DMD: variants seen among roughly 807,000 people sequenced by gnomAD.
DMD encodes dystrophin.
DMD carries 63 observed loss-of-function variants against 330.1 expected under a neutral mutation model. The ratio of observed to expected loss-of-function variants is 0.19; its 90% CI spans 0.16 to 0.24. DMD has a LOEUF of 0.24. Among genes scored for constraint, DMD ranks in the 10% least tolerant of loss-of-function variants. The pLI is 1.00. For missense variants in DMD, 3,344 were observed against 2,684.1 expected (o/e 1.25, Z -5.43); for synonymous variants, 1,223 against 959.8 (o/e 1.27, Z -5.07).
intron 41 of DMD, among the ~76,000 whole-genome samples, chrX:32,322,523 G>A (rs1001382913): frequency 3.6e-5 from 4 of 110,575 alleles, no homozygotes; most frequent in African/African-American, 9.9e-5. Flanking sequence ...TGATTGCATC[G>A]CGGCACTCCA....
At chrX:32,296,129 C>T (rs974031514) in intron 42 of DMD, among the ~76,000 whole-genome samples, 3 of 112,172 alleles carry the variant, frequency 2.7e-5, no homozygotes, top group Non-Finnish European at 5.6e-5. Context: ...CGGTGGCTCA[C>T]GCCTGTAATC....
intron 77 of DMD, among the ~76,000 whole-genome samples, chrX:31,128,230 A>G (rs2033996673): frequency 8.9e-6 from 1 of 111,873 alleles, no homozygotes; most frequent in Non-Finnish European, 1.9e-5. Flanking sequence ...CTTCCCCTGT[A>G]AGACTATAAG....
At chrX:32,849,073 T>C (rs2080921179) in intron 3 of DMD, among the ~76,000 whole-genome samples, 1 of 111,531 alleles carries the variant, frequency 9.0e-6, no homozygotes, top group Non-Finnish European at 1.9e-5. Flanking sequence ...CAGAATTTGA[T>C]AGGTAGAACA....
intron 44 of DMD, among the ~76,000 whole-genome samples, chrX:32,104,858 G>C (rs376917540): frequency 1.4e-4 from 16 of 111,008 alleles, no homozygotes; most frequent in African/African-American, 5.2e-4. Context: ...TTCTGCTATG[G>C]AAAAGAGCTC....
At chrX:32,078,860 CTGGGAAATTGTTA>C (rs1035511778) in intron 44 of DMD, among the ~76,000 whole-genome samples, 1 of 112,091 alleles carries the variant, frequency 8.9e-6, no homozygotes, top group Non-Finnish European at 1.9e-5. Flanking sequence ...GCCCTCTCTC[CTGGGAAATTGTTA>C]TGGCCATGAA....
At chrX:32,379,159 A>T (rs1045037983) in intron 34 of DMD, among the ~76,000 whole-genome samples, 1 of 110,457 alleles carries the variant, frequency 9.1e-6, no homozygotes, top group Non-Finnish European at 1.9e-5. Flanking sequence ...ATAGAGTGAT[A>T]AATTATCTTT....
intron 41 of DMD, among the ~76,000 whole-genome samples, chrX:32,318,163 C>T (rs2097590942): frequency 9.0e-6 from 1 of 111,238 alleles, no homozygotes; most frequent in African/African-American, 3.3e-5. Context: ...CACAAGTCTT[C>T]AGAGAAAGAC....
intron 11 of DMD, among the ~76,000 whole-genome samples, chrX:32,634,719 G>C (rs1223727668): frequency 8.9e-6 from 1 of 111,915 alleles, no homozygotes; most frequent in Non-Finnish European, 1.9e-5. Flanking sequence ...CAAGCAGCAA[G>C]ACAAAGTTCT....
chrX:32,495,836 T>C (rs1411927331), intron 19 of DMD, among the ~76,000 whole-genome samples: 1 of 112,003 alleles, frequency 8.9e-6, no homozygotes, highest in East Asian at 2.8e-4. Context: ...CATCTGAGCA[T>C]CTGTTTTCTA....
intron 51 of DMD, among the ~76,000 whole-genome samples, chrX:31,744,122 C>T (rs1371926035): frequency 8.9e-6 from 1 of 111,831 alleles, no homozygotes; most frequent in Non-Finnish European, 1.9e-5. Context: ...CCTGCCTTGG[C>T]CTCCCAAAGT....
chrX:32,083,272 C>CTTTTTT (rs56029341), intron 44 of DMD, among the ~76,000 whole-genome samples: 2 of 102,986 alleles, frequency 1.9e-5, no homozygotes, highest in Non-Finnish European at 2.0e-5. Context: ...AATAAAAAAT[C>CTTTTTT]TTTTTTTTTT....
chrX:31,583,890 A>C, intron 55 of DMD, among the ~76,000 whole-genome samples: 1 of 97,926 alleles, frequency 1.0e-5, no homozygotes, highest in Non-Finnish European at 2.1e-5. Context: ...GTGTATCTCC[A>C]AATGCTATCC....
intron 41 of DMD, among the ~76,000 whole-genome samples, chrX:32,334,234 A>G (rs2097694478): frequency 8.9e-6 from 1 of 111,891 alleles, no homozygotes; most frequent in Admixed American, 9.5e-5. Context: ...GAGGAGAAAA[A>G]TTCTACAAAC....
intron 52 of DMD, among the ~76,000 whole-genome samples, chrX:31,715,716 C>A (rs182911175): frequency 4.9e-4 from 54 of 111,143 alleles, no homozygotes; most frequent in African/African-American, 1.6e-3. Context: ...CTTTTAAAAT[C>A]TGTTATATGT....
intron 74 of DMD, among the ~76,000 whole-genome samples, chrX:31,161,078 G>A (rs1319438845): frequency 2.7e-5 from 3 of 111,331 alleles, no homozygotes; most frequent in Non-Finnish European, 5.7e-5. Context: ...GGATTAAATA[G>A]GAGTTCATAT....
chrX:31,854,409 G>A (rs3859980), intron 48 of DMD, among the ~76,000 whole-genome samples: 11,346 of 111,533 alleles, frequency 0.1, 548 homozygotes, highest in South Asian at 0.22. Context: ...TTTAGTACAT[G>A]TAAAGGTAAT....
intron 63 of DMD, among the ~76,000 whole-genome samples, chrX:31,257,158 C>T (rs1294591290): frequency 1.0e-5 from 1 of 95,289 alleles, no homozygotes; most frequent in Admixed American, 1.2e-4. Flanking sequence ...TGCTTGGGAA[C>T]TTTGGCAAAT....
At chrX:31,552,473 C>T (rs2074543825) in intron 55 of DMD, among the ~76,000 whole-genome samples, 1 of 111,934 alleles carries the variant, frequency 8.9e-6, no homozygotes, top group African/African-American at 3.3e-5. Flanking sequence ...ACACATGGCC[C>T]AGAGCTGCTT....
intron 19 of DMD, among the ~76,000 whole-genome samples, chrX:32,499,285 T>A (rs988248079): frequency 2.6e-4 from 29 of 112,290 alleles, no homozygotes; most frequent in African/African-American, 9.0e-4. Flanking sequence ...CAGAATTTTT[T>A]AAAATCTATA....
Sources: gnomAD v4.1 joint callset for allele counts (sites outside exome capture counted in the v4.1 genomes callset) on GRCh38, gnomAD v4.1.1 for gene constraint, MANE v1.5 for transcripts, NCBI Gene and HGNC (gene_info 2026-07-23, HGNC 2026-07-21) for gene names.